KCNIP4: variants seen among roughly 807,000 people sequenced by gnomAD.
The protein encoded by KCNIP4 is potassium voltage-gated channel interacting protein 4.
In KCNIP4, 12 loss-of-function variants were observed where a neutral mutation model predicts 34.0. The observed-to-expected ratio is 0.35, with a 90% CI of 0.23 to 0.57. KCNIP4 has a LOEUF of 0.57. Ranked by LOEUF, KCNIP4 falls within the 20% of genes least tolerant of loss-of-function variation. KCNIP4 has a pLI of 0.83. For missense variants in KCNIP4, 238 were observed against 311.7 expected (o/e 0.76, Z 1.78); for synonymous variants, 124 against 102.2 (o/e 1.21, Z -1.29).
intron 1 of KCNIP4, among the ~76,000 whole-genome samples, chr4:21,100,463 G>A (rs771939261): frequency 6.6e-6 from 1 of 152,152 alleles, no homozygotes; most frequent in Non-Finnish European, 1.5e-5. Flanking sequence ...TGAGGTGGGA[G>A]AATCACTTGA....
At chr4:21,086,654 C>T (rs1210097375) in intron 1 of KCNIP4, among the ~76,000 whole-genome samples, 2 of 152,110 alleles carry the variant, frequency 1.3e-5, no homozygotes, top group Non-Finnish European at 2.9e-5. Context: ...TATTCTTTCC[C>T]TCTGTCACAA....
chr4:21,369,997 T>G lies in KCNIP4; in HGVS notation c.62-487288A>C, dbSNP rs1416371059. Among the ~76,000 whole-genome samples, 9 of 146,480 alleles carry G rather than the reference T, an allele frequency of 6.1e-5. 2 individuals carry two copies. The highest frequency in any genetic ancestry group is 2.5e-4 in the African/African-American group (9 of 36,328). ...CACCTGCCACCATGCCTGGCTAATT[T>G]TTTGTATTTTTATTAGAGACGGGGT... On this transcript the variant is annotated intron_variant, in intron 1 of 8. Transcript: ENST00000382152.
chr4:21,803,390 C>T (rs866123432), intron 1 of KCNIP4, among the ~76,000 whole-genome samples: 29 of 152,182 alleles, frequency 1.9e-4, no homozygotes, highest in African/African-American at 6.5e-4. Context: ...TTCCCACATC[C>T]AACGTGGATC....
chr4:21,754,253 A>G (rs767360621), intron 1 of KCNIP4, among the ~76,000 whole-genome samples: 8 of 151,962 alleles, frequency 5.3e-5, no homozygotes, highest in Non-Finnish European at 8.8e-5. Flanking sequence ...ATCCATCTCC[A>G]ACTACCACCA....
At chr4:20,732,131 C>A in intron 7 of KCNIP4, 63 bp from the exon 8 acceptor site, 1 of 1,108,116 alleles carries the variant, frequency 9.0e-7, no homozygotes, top group Non-Finnish European at 1.4e-6. Flanking sequence ...ACACCTGGAC[C>A]AAATGAGCTG....
chr4:20,882,537 C>T, intron 2 of KCNIP4, 71 bp downstream of exon 2: 1 of 966,648 alleles, frequency 1.0e-6, no homozygotes, highest in Non-Finnish European at 1.6e-6. Flanking sequence ...TAGAGAACGG[C>T]AATGCATGCA....
rs76521849 is a variant in KCNIP4, at chr4:21,033,892, T to C, written c.62-151183A>G. Among the ~76,000 whole-genome samples the C allele has an allele frequency of 6.8e-3, 1,040 of 152,284 alleles. 16 individuals are homozygous for C. The highest frequency in any genetic ancestry group is 0.024 in the African/African-American group (985 of 41,562). ...ACAAACAGTGGAAGATATTGACTTG[T>C]ACTTATTGTGCAGGTTCTGAAGAAA... On this transcript the variant is annotated intron_variant, in intron 1 of 8. Transcript: ENST00000382152.
intron 1 of KCNIP4, among the ~76,000 whole-genome samples, chr4:21,352,112 T>C (rs1191883683): frequency 6.6e-6 from 1 of 152,138 alleles, no homozygotes; most frequent in Non-Finnish European, 1.5e-5. Context: ...TTTATCTTGT[T>C]TTATTGCCTA....
intron 1 of KCNIP4, among the ~76,000 whole-genome samples, chr4:21,017,979 TTAG>T (rs1212499425): frequency 1.3e-5 from 2 of 152,222 alleles, no homozygotes; most frequent in South Asian, 4.1e-4. Flanking sequence ...TTATATATTT[TTAG>T]TACATTAAAA....
chr4:21,847,617 G>A (rs1724102655), intron 1 of KCNIP4: 1 of 152,010 alleles, frequency 6.6e-6, no homozygotes, highest in Non-Finnish European at 1.5e-5. Flanking sequence ...AATATTATCT[G>A]TAATAATTAA....
At chr4:20,937,358 C>T (rs1263412884) in intron 1 of KCNIP4, among the ~76,000 whole-genome samples, 2 of 150,558 alleles carry the variant, frequency 1.3e-5, no homozygotes, top group Non-Finnish European at 1.5e-5. Context: ...CCTCAGCCTC[C>T]CAAATAGCTG....
chr4:21,862,369 T>C (rs756228723), intron 1 of KCNIP4, among the ~76,000 whole-genome samples: 2 of 152,208 alleles, frequency 1.3e-5, no homozygotes, highest in African/African-American at 4.8e-5. Flanking sequence ...GCTGACAATA[T>C]AACTCAGAAT....
At chr4:20,759,020 C>A in intron 3 of KCNIP4, 130 bp from the exon 4 acceptor site, 1 of 651,914 alleles carries the variant, frequency 1.5e-6, no homozygotes, top group Non-Finnish European at 2.7e-6. Flanking sequence ...TCCATTATTA[C>A]AAAGGGAATA....
At chr4:21,609,173 A>C (rs1316523062) in intron 1 of KCNIP4, among the ~76,000 whole-genome samples, 1 of 152,216 alleles carries the variant, frequency 6.6e-6, no homozygotes, top group East Asian at 1.9e-4. Flanking sequence ...AGGAGAAATC[A>C]TTTCAAGTAA....
At chr4:21,513,617 A>T (rs575404739) in intron 1 of KCNIP4, among the ~76,000 whole-genome samples, 22 of 152,338 alleles carry the variant, frequency 1.4e-4, no homozygotes, top group South Asian at 1.2e-3. Flanking sequence ...TATTTTCCCC[A>T]GTGGTTTGCT....
intron 1 of KCNIP4, among the ~76,000 whole-genome samples, chr4:21,553,410 G>A (rs565715791): frequency 6.6e-6 from 1 of 152,234 alleles, no homozygotes; most frequent in South Asian, 2.1e-4. Context: ...CACTCCCGAT[G>A]GAGGTCCACT....
chr4:21,299,201 A>C (rs1317519885), intron 1 of KCNIP4, among the ~76,000 whole-genome samples: 1 of 152,074 alleles, frequency 6.6e-6, no homozygotes, highest in African/African-American at 2.4e-5. Context: ...TATAGGTGAT[A>C]ATAAAAAGAT....
At chr4:21,557,120 T>C (rs1323092731) in intron 1 of KCNIP4, among the ~76,000 whole-genome samples, 2 of 152,192 alleles carry the variant, frequency 1.3e-5, no homozygotes, top group East Asian at 3.9e-4. Context: ...GAGCACTTAC[T>C]AAATGTGTTT....
rs144719207 is a variant in KCNIP4 at position 21,350,630 on chromosome 4, T to C, written c.62-467921A>G. Among the ~76,000 whole-genome samples, 231 of 152,312 alleles carry C rather than the reference T, an allele frequency of 1.5e-3. 3 individuals carry two copies. The highest frequency in any genetic ancestry group is 5.2e-3 in the African/African-American group (215 of 41,576). ...ACGAGTGGAGGTGAAGCATCCCCAG[T>C]GGCCAGGAGGACAACCTTGCCCAGT... On this transcript the variant is annotated intron_variant, in intron 1 of 8. Coordinates refer to ENST00000382152, the MANE Select transcript of KCNIP4 (RefSeq NM_025221.6).
Sources: gnomAD v4.1 joint callset for allele counts (sites outside exome capture counted in the v4.1 genomes callset) on GRCh38, gnomAD v4.1.1 for gene constraint, MANE v1.5 for transcripts, NCBI Gene and HGNC (gene_info 2026-07-23, HGNC 2026-07-21) for gene names.